Variants in GLB1L observed in about 807,000 individuals in gnomAD.
GLB1L encodes the protein galactosidase beta 1 like.
In GLB1L, 58 loss-of-function variants were observed where a neutral mutation model predicts 75.7. The ratio of observed to expected loss-of-function variants is 0.77; its 90% CI spans 0.62 to 0.95. The LOEUF is 0.95. Among genes scored for constraint, GLB1L ranks in the 40% least tolerant of loss-of-function variants. The pLI is 0.00. For synonymous variants in GLB1L, 296 were observed against 303.0 expected (o/e 0.98, Z 0.24); for missense variants, 797 against 805.5 (o/e 0.99, Z 0.13).
intron 5 of GLB1L, among the ~76,000 whole-genome samples, chr2:219,240,780 A>G (rs1436465468): frequency 6.7e-6 from 1 of 148,532 alleles, no homozygotes; most frequent in East Asian, 2.0e-4. Context: ...ATATGGGGAG[A>G]CTAAAATATA....
intron 11 of GLB1L, 73 bp from the exon 12 acceptor site, chr2:219,238,852 A>G (rs752671672): frequency 2.2e-6 from 3 of 1,361,386 alleles, no homozygotes; most frequent in Non-Finnish European, 3.1e-6. Context: ...TCTAGGGCAG[A>G]GTTCCTAACC....
At chr2:219,243,401 A>G (rs759283893) in intron 2 of GLB1L, 87 bp from the exon 3 acceptor site, 367 of 1,591,998 alleles carry the variant, frequency 2.3e-4, no homozygotes, top group Middle Eastern at 1.0e-3. Context: ...AGATGGAACT[A>G]GCCCTGCGGG....
rs765968843 is a variant in GLB1L at position 219,238,584 on chromosome 2, C to T, written c.1138G>A (p.Val380Ile). ...MMLGPVTLHL[V>I]GHLLAFLDLL... Reference sequence around the variant, plus strand: ...TCTAGGAAAGCCAGTAAATGCCCAACCTATTAGAATAAGGGAGAAGAATTA... The same window carrying T: ...TCTAGGAAAGCCAGTAAATGCCCAATCTATTAGAATAAGGGAGAAGAATTA... Residue 380 changes from valine (V) to isoleucine (I), a missense_variant and splice_region_variant, in exon 13 of 17, where the codon GTT becomes ATT. Physicochemically the swap from Val to Ile is conservative, Grantham distance 29. Transcript: ENST00000295759. 1.2e-5 allele frequency: 19 copies of T among 1,612,612 alleles called. No individual in the cohort carries two copies. The highest frequency in any genetic ancestry group is 1.7e-5 in the Admixed American group (1 of 59,974).
intron 5 of GLB1L, among the ~76,000 whole-genome samples, chr2:219,241,436 GTGTGTGTATATATATATA>G (rs1175146756): frequency 1.2e-5 from 1 of 84,308 alleles, no homozygotes; most frequent in South Asian, 4.2e-4. Flanking sequence ...GTGTGTGTGT[GTGTGTGTATATATATATA>G]TATATATATA....
intron 1 of GLB1L, 111 bp from the exon 2 acceptor site, chr2:219,243,754 T>A (rs559853643): frequency 3.3e-6 from 2 of 608,800 alleles, no homozygotes; most frequent in East Asian, 5.7e-5. Flanking sequence ...AATTTCTACA[T>A]CATGTTAAAG....
Position 219,239,142 on chromosome 2 carries a change from C to T in GLB1L, c.1012G>A (p.Ala338Thr). 1 of 1,614,102 alleles carries T rather than the reference C, an allele frequency of 6.2e-7. No homozygotes were observed. Among genetic ancestry groups the T allele is most frequent in the East Asian group, 2.2e-5 (1 of 44,896 alleles). ...AAAAGCTTAGGTGTGGGGTCCCCTG[C>T]TTCAGATATAGGTGCATCATAGTCA... ...SYDYDAPISE[A>T]GDPTPKLFAL... is the part of the protein sequence containing the mutation. The change falls in exon 11 of 17, where the codon GCA becomes ACA. Residue 338 changes from alanine (A) to threonine (T), a missense_variant. Ala to Thr is a moderately conservative substitution (Grantham distance 58). Transcript: ENST00000295759.
In GLB1L at chr2:219,239,919, C is replaced by A; in HGVS notation, c.721+1G>T. 6.2e-7 allele frequency: 1 copy of A among 1,614,190 alleles called. No homozygotes were observed. The highest frequency in any genetic ancestry group is 8.5e-7 in the Non-Finnish European group (1 of 1,180,042). ...CTCCACTCCCAGCCCTTGCTTGAGACCTGGGCCAAAATCTACAGTGGTATA... is the reference window on the plus strand; with the variant it reads ...CTCCACTCCCAGCCCTTGCTTGAGAACTGGGCCAAAATCTACAGTGGTATA... On this transcript the variant is annotated splice_donor_variant, in intron 7 of 16. Coordinates refer to ENST00000295759, the MANE Select transcript of GLB1L (RefSeq NM_001286423.2). LOFTEE classifies it high-confidence loss of function.
chr2:219,240,385 TAAGC>T, intron 5 of GLB1L, 100 bp from the exon 6 acceptor site: 1 of 949,116 alleles, frequency 1.1e-6, no homozygotes, highest in Non-Finnish European at 1.7e-6. Context: ...TTCCCAACCC[TAAGC>T]ACCTTGTATA....
Position 219,243,272 on chromosome 2 carries a change from A to AC in GLB1L, c.114dup (p.Phe39ValfsTer57). The stretch of plus-strand genomic sequence containing the variant: ...CGGAACGGGGCCCCGTCTAGGAGAA[A>AC]CCGGTCATGACCCCTATCCACTACG... On this transcript the variant is annotated frameshift_variant, in exon 3 of 17. Transcript: ENST00000295759. LOFTEE classifies it high-confidence loss of function. The AC allele has an allele frequency of 6.2e-7, 1 of 1,612,152 alleles. No homozygotes were observed.
intron 5 of GLB1L, among the ~76,000 whole-genome samples, chr2:219,241,461 TATATAC>T (rs1951391767): frequency 7.1e-6 from 1 of 140,682 alleles, no homozygotes; most frequent in Non-Finnish European, 1.5e-5. Flanking sequence ...TATATATATA[TATATAC>T]ATACATATAT....
At chr2:219,238,800 G>C in intron 11 of GLB1L, 21 bp from the exon 12 acceptor site, 5 of 1,597,874 alleles carry the variant, frequency 3.1e-6, no homozygotes, top group Non-Finnish European at 4.3e-6. Flanking sequence ...ATTCTCTCAG[G>C]ATCCATAGGA....
Position 219,243,267 on chromosome 2 carries a change from G to T in GLB1L, c.120C>A (p.Leu40=), listed in dbSNP as rs147771453. 17 of 1,613,426 alleles carry T rather than the reference G, an allele frequency of 1.1e-5. 1 individual carries two copies. In the South Asian group the frequency reaches 1.9e-4, roughly 18 times the overall value. ...FVVDRGHDRF[L]LDGAPFRYVS... ...CATAGCGGAACGGGGCCCCGTCTAG[G>T]AGAAACCGGTCATGACCCCTATCCA... Residue 40 remains leucine, a synonymous_variant, in exon 3 of 17, where the codon CTC becomes CTA. Coordinates refer to ENST00000295759, the MANE Select transcript of GLB1L (RefSeq NM_001286423.2).
At chr2:219,242,697 T>G (rs1011217743) in intron 4 of GLB1L, 71 bp downstream of exon 4, 2 of 1,561,104 alleles carry the variant, frequency 1.3e-6, no homozygotes, top group African/African-American at 1.4e-5. Flanking sequence ...GGCCCTAGAG[T>G]GTGGGCAGAT....
chr2:219,239,372 T>G, intron 10 of GLB1L, 39 bp downstream of exon 10: 1 of 1,557,926 alleles, frequency 6.4e-7, no homozygotes, highest in Non-Finnish European at 8.7e-7. Flanking sequence ...AATTCCTTGT[T>G]ACCTCCCTGC....
chr2:219,237,482 C>T (rs771360156), intron 16 of GLB1L, 30 bp downstream of exon 16: 43 of 1,610,026 alleles, frequency 2.7e-5, no homozygotes, highest in South Asian at 7.7e-5. Context: ...TTTACCTCCC[C>T]GCTACCCAAA....
chr2:219,240,041 G>A lies in GLB1L; in HGVS notation c.600C>T (p.His200=), dbSNP rs1364155288. The change falls in exon 7 of 17, where the codon CAC becomes CAT. Residue 200 remains histidine, a synonymous_variant. Coordinates refer to ENST00000295759, the MANE Select transcript of GLB1L (RefSeq NM_001286423.2). ...GCAGTGCACGGAAGAGCCCAGCCAA[G>A]TGCCTCATGTAGCTGAAGTCACAGG... ...YRACDFSYMR[H]LAGLFRALLG... The A allele has an allele frequency of 6.2e-7, 1 of 1,613,944 alleles. No individual in the cohort carries two copies. The highest frequency in any genetic ancestry group is 1.7e-5 in the Admixed American group (1 of 60,004).
rs1951334962 is a variant in GLB1L at position 219,239,578 on chromosome 2, C to G, written c.885G>C (p.Leu295Phe). 1.2e-6 allele frequency: 2 copies of G among 1,614,206 alleles called. No homozygotes were observed. Among genetic ancestry groups the G allele is most frequent in the Middle Eastern group, 1.6e-4 (1 of 6,062 alleles). ...VTKGLENMLKLGASVNMYMFH... is the reference protein window; with the variant it reads ...VTKGLENMLKFGASVNMYMFH... ...TTACTTACATGTTCACACTGGCTCC[C>G]AACTTGAGCATGTTCTCTAGTCCTT... The change falls in exon 9 of 17, where the codon TTG becomes TTC. Residue 295 changes from leucine (L) to phenylalanine (F), a missense_variant. By Grantham distance (22) the Leu-to-Phe change is conservative. Transcript: ENST00000295759.
chr2:219,242,432 G>C (rs1401994086), intron 5 of GLB1L, 82 bp downstream of exon 5: 6 of 972,466 alleles, frequency 6.2e-6, no homozygotes, highest in Non-Finnish European at 1.0e-5. Context: ...CTCCAATTTG[G>C]GAATGGTCTC....
Position 219,242,542 on chromosome 2 carries a change from AG to A in GLB1L, c.422del (p.Pro141LeufsTer5), listed in dbSNP as rs1265576305. ...GATCTGAGGTTCTTAGATGAATTTC[AG>A]GTTTTCGAAGCAACCAGGATGGGAG... ...GGLPSWLLRK[P>X]EIHLRTSDPD... is the part of the protein sequence containing the mutation. On this transcript the variant is annotated frameshift_variant, in exon 5 of 17. Transcript: ENST00000295759. LOFTEE classifies it high-confidence loss of function. The A allele has an allele frequency of 3.1e-6, 5 of 1,613,568 alleles. No individual in the cohort carries two copies. Among genetic ancestry groups the A allele is most frequent in the Non-Finnish European group, 4.2e-6 (5 of 1,179,514 alleles).
Sources: gnomAD v4.1 joint callset for allele counts (sites outside exome capture counted in the v4.1 genomes callset) on GRCh38, gnomAD v4.1.1 for gene constraint, MANE v1.5 for transcripts, NCBI Gene and HGNC (gene_info 2026-07-23, HGNC 2026-07-21) for gene names.